MYO3A: variants seen among roughly 807,000 people sequenced by gnomAD.
MYO3A encodes the protein myosin IIIA.
Under a neutral mutation model 192.7 loss-of-function variants are expected in MYO3A, and 180 were observed. The observed-to-expected ratio is 0.93, with a 90% CI of 0.83 to 1.06. The LOEUF is 1.06. Among genes scored for constraint, MYO3A ranks in the 50% least tolerant of loss-of-function variants. The pLI, the probability that MYO3A is intolerant of heterozygous loss-of-function variation, is 0.00. For missense variants in MYO3A, 1,896 were observed against 1,905.0 expected, an observed-to-expected ratio of 1.00 and a Z score of 0.09; for synonymous variants, 628 against 645.3, an observed-to-expected ratio of 0.97 and a Z score of 0.41.
chr10:26,173,862 G>A lies in MYO3A; in HGVS notation c.3598G>A (p.Val1200Ile). The change falls in exon 30 of 35, where the codon GTT becomes ATT. Residue 1200 changes from valine to isoleucine, a missense_variant. Coordinates refer to ENST00000642920, the MANE Select transcript of MYO3A (RefSeq NM_017433.5). ...KKMNNVYEEE[V>I]KQEFYLVGPE... Reference sequence around the variant, plus strand: ...AATGAATAATGTGTATGAGGAAGAGGTTAAGCAAGAATTCTACCTTGTAGG... The same window carrying A: ...AATGAATAATGTGTATGAGGAAGAGATTAAGCAAGAATTCTACCTTGTAGG... The A allele has an allele frequency of 1.9e-6, 3 of 1,613,992 alleles. No individual in the cohort carries two copies. The highest frequency in any genetic ancestry group is 1.7e-6 in the Non-Finnish European group (2 of 1,180,002).
chr10:25,997,088 G>C (rs188638556), intron 5 of MYO3A, 71 bp from the exon 6 acceptor site: 1 of 1,162,982 alleles, frequency 8.6e-7, no homozygotes, highest in East Asian at 2.4e-5. Context: ...ATTTTGTACA[G>C]GTACATCATC....
At chr10:25,963,234 G>A (rs527879575) in intron 4 of MYO3A, among the ~76,000 whole-genome samples, 47 of 152,230 alleles carry the variant, frequency 3.1e-4, no homozygotes, top group Non-Finnish European at 1.9e-4. Context: ...TTCAAAGCAC[G>A]AAAATTCAGT....
At chr10:25,963,033 A>T (rs1838038614) in intron 4 of MYO3A, among the ~76,000 whole-genome samples, 1 of 152,236 alleles carries the variant, frequency 6.6e-6, no homozygotes, top group Middle Eastern at 3.4e-3. Context: ...CTCATAATCC[A>T]ATCTTAGCTA....
chr10:26,041,056 T>G (rs1843317884), intron 10 of MYO3A, among the ~76,000 whole-genome samples: 1 of 152,272 alleles, frequency 6.6e-6, no homozygotes, highest in Non-Finnish European at 1.5e-5. Flanking sequence ...ATTTGCTTTA[T>G]ATATCTGGGT....
intron 23 of MYO3A, among the ~76,000 whole-genome samples, chr10:26,148,569 C>T (rs1312766541): frequency 6.6e-6 from 1 of 152,152 alleles, no homozygotes; most frequent in Non-Finnish European, 1.5e-5. Context: ...TGCACTGAAA[C>T]TATAGATCAA....
At chr10:26,032,285 A>C (rs1479004210) in intron 10 of MYO3A, among the ~76,000 whole-genome samples, 1 of 152,238 alleles carries the variant, frequency 6.6e-6, no homozygotes, top group African/African-American at 2.4e-5. Flanking sequence ...AAGGATTAAC[A>C]AAAGAAAGAC....
At chr10:26,117,811 A>G (rs1838606743) in intron 17 of MYO3A, among the ~76,000 whole-genome samples, 3 of 152,094 alleles carry the variant, frequency 2.0e-5, no homozygotes. Flanking sequence ...ATATGCATAC[A>G]TGTATCTTTA....
intron 4 of MYO3A, among the ~76,000 whole-genome samples, chr10:25,972,583 G>T (rs1838723254): frequency 6.6e-6 from 1 of 152,052 alleles, no homozygotes; most frequent in Non-Finnish European, 1.5e-5. Context: ...TAAGTTCCCT[G>T]GGTGGGGAAC....
intron 17 of MYO3A, among the ~76,000 whole-genome samples, chr10:26,119,752 A>G (rs965927830): frequency 2.6e-5 from 4 of 152,192 alleles, no homozygotes; most frequent in Admixed American, 1.3e-4. Flanking sequence ...AGTGTCTCCA[A>G]AAAGAATCAT....
chr10:26,108,419 T>C (rs1349993804), intron 17 of MYO3A, among the ~76,000 whole-genome samples: 3 of 152,230 alleles, frequency 2.0e-5, no homozygotes, highest in Non-Finnish European at 4.4e-5. Flanking sequence ...ATTCTTCAAT[T>C]ATTCTCAAAA....
intron 28 of MYO3A, among the ~76,000 whole-genome samples, chr10:26,169,561 C>G (rs1841938565): frequency 6.6e-6 from 1 of 152,112 alleles, no homozygotes; most frequent in Admixed American, 6.5e-5. Flanking sequence ...TTTTTAGATG[C>G]TAGATTTGGC....
chr10:26,039,931 CTCTT>C (rs1025780783), intron 10 of MYO3A, among the ~76,000 whole-genome samples: 1 of 151,414 alleles, frequency 6.6e-6, no homozygotes, highest in African/African-American at 2.4e-5. Flanking sequence ...GTTTAGATTG[CTCTT>C]TCTTTTCTAG....
At chr10:26,110,274 G>A (rs116728520) in intron 17 of MYO3A, among the ~76,000 whole-genome samples, 2,059 of 152,198 alleles carry the variant, frequency 0.014, 56 homozygotes, top group African/African-American at 0.047. Context: ...GAACTCAGTG[G>A]TTCTGTGGTC....
At chr10:26,010,656 G>C (rs1218638905) in intron 6 of MYO3A, among the ~76,000 whole-genome samples, 1 of 151,974 alleles carries the variant, frequency 6.6e-6, no homozygotes, top group East Asian at 1.9e-4. Context: ...TAGAGACGAG[G>C]TTTCACCATA....
intron 26 of MYO3A, among the ~76,000 whole-genome samples, chr10:26,160,727 A>G (rs1841446711): frequency 6.6e-6 from 1 of 152,142 alleles, no homozygotes; most frequent in South Asian, 2.1e-4. Flanking sequence ...AGAAAACAGG[A>G]GTTTTCTTGG....
chr10:25,962,780 C>G (rs956573250), intron 4 of MYO3A, among the ~76,000 whole-genome samples: 1 of 151,966 alleles, frequency 6.6e-6, no homozygotes, highest in Non-Finnish European at 1.5e-5. Context: ...ACCGGGAGAC[C>G]GTAAAACAGA....
chr10:26,036,959 A>G (rs1311942398), intron 10 of MYO3A, among the ~76,000 whole-genome samples: 1 of 152,222 alleles, frequency 6.6e-6, no homozygotes, highest in Non-Finnish European at 1.5e-5. Flanking sequence ...CTGTGGTCAT[A>G]CATCACTTTG....
chr10:26,121,733 G>A (rs1054559193), intron 18 of MYO3A, among the ~76,000 whole-genome samples: 1 of 152,124 alleles, frequency 6.6e-6, no homozygotes, highest in African/African-American at 2.4e-5. Flanking sequence ...CCTGGACGAC[G>A]GAGCAAGACT....
At chr10:26,045,815 T>A (rs1360479295) in intron 10 of MYO3A, among the ~76,000 whole-genome samples, 1 of 152,198 alleles carries the variant, frequency 6.6e-6, no homozygotes, top group African/African-American at 2.4e-5. Flanking sequence ...TTGCAGATCA[T>A]AAGACCCACT....
Sources: gnomAD v4.1 joint callset for allele counts (sites outside exome capture counted in the v4.1 genomes callset) on GRCh38, gnomAD v4.1.1 for gene constraint, MANE v1.5 for transcripts, NCBI Gene and HGNC (gene_info 2026-07-23, HGNC 2026-07-21) for gene names.